The following GRK3 variants were observed in gnomAD, a reference collection of about 807,000 sequenced individuals.
GRK3 encodes adrenergic, beta, receptor kinase 2.
Under a neutral mutation model 95.7 loss-of-function variants are expected in GRK3, and 54 were observed. The ratio of observed to expected loss-of-function variants is 0.56; its 90% confidence interval spans 0.45 to 0.71. The LOEUF (loss-of-function observed/expected upper bound fraction) is 0.71, where lower values mean the gene tolerates loss of function less well. Among genes scored for constraint, GRK3 ranks in the 30% least tolerant of loss-of-function variants. The pLI is 0.00. For missense variants in GRK3, 649 were observed against 851.2 expected, an observed-to-expected ratio of 0.76 and a Z score of 2.96; for synonymous variants, 281 against 290.8, an observed-to-expected ratio of 0.97 and a Z score of 0.34.
At chr22:25,673,172 C>T (rs1286429045) in intron 7 of GRK3, among the ~76,000 whole-genome samples, 3 of 151,926 alleles carry the variant, frequency 2.0e-5, no homozygotes, top group African/African-American at 4.8e-5. Context: ...CACCATTCTC[C>T]TGCCTCAGCC....
intron 3 of GRK3, among the ~76,000 whole-genome samples, chr22:25,645,390 G>T (rs1033063257): frequency 5.3e-5 from 8 of 152,194 alleles, no homozygotes; most frequent in African/African-American, 1.9e-4. Flanking sequence ...TCCAGGCTTG[G>T]CTGCTTCTGG....
At chr22:25,630,144 CAT>C (rs1180685590) in intron 2 of GRK3, among the ~76,000 whole-genome samples, 5 of 152,140 alleles carry the variant, frequency 3.3e-5, no homozygotes, top group South Asian at 2.1e-4. Flanking sequence ...AAAGCAAACT[CAT>C]GTGTATCGAT....
chr22:25,597,817 A>G (rs748399561), intron 1 of GRK3, among the ~76,000 whole-genome samples: 17 of 152,240 alleles, frequency 1.1e-4, no homozygotes, highest in Admixed American at 1.0e-3. Context: ...GTGGAGTGAC[A>G]TCAAGTGCTG....
chr22:25,582,790 A>G (rs891832798), intron 1 of GRK3, among the ~76,000 whole-genome samples: 3 of 152,226 alleles, frequency 2.0e-5, no homozygotes, highest in Non-Finnish European at 4.4e-5. Context: ...ATACACAAAA[A>G]TAAATTCCAG....
At chr22:25,667,030 G>A (rs2084946789) in intron 5 of GRK3, among the ~76,000 whole-genome samples, 1 of 152,186 alleles carries the variant, frequency 6.6e-6, no homozygotes, top group East Asian at 1.9e-4. Flanking sequence ...GAAGAGCACT[G>A]TGCATGTGAA....
chr22:25,685,321 C>G (rs2085104431), intron 10 of GRK3, 73 bp downstream of exon 10: 2 of 1,148,948 alleles, frequency 1.7e-6, no homozygotes, highest in Non-Finnish European at 2.6e-6. Context: ...ATGCATTAAT[C>G]TAGGCAGACT....
At chr22:25,687,943 A>C (rs1203591172) in intron 11 of GRK3, among the ~76,000 whole-genome samples, 1 of 152,218 alleles carries the variant, frequency 6.6e-6, no homozygotes, top group Non-Finnish European at 1.5e-5. Flanking sequence ...TTAGTTAATG[A>C]AAAGCAATTT....
At chr22:25,702,550 C>T (rs899781968) in intron 13 of GRK3, among the ~76,000 whole-genome samples, 5 of 152,046 alleles carry the variant, frequency 3.3e-5, no homozygotes, top group African/African-American at 9.6e-5. Context: ...AAAAATAAAC[C>T]ATGGTAATTT....
intron 9 of GRK3, among the ~76,000 whole-genome samples, chr22:25,679,455 A>G (rs2085057930): frequency 1.3e-5 from 2 of 152,134 alleles, no homozygotes; most frequent in Non-Finnish European, 2.9e-5. Context: ...TACTTATTGG[A>G]CACTTTCTTT....
chr22:25,698,290 G>A (rs983088233), intron 13 of GRK3, among the ~76,000 whole-genome samples: 1 of 151,594 alleles, frequency 6.6e-6, no homozygotes, highest in Admixed American at 6.6e-5. Context: ...AGGAAGGAAG[G>A]AAGCCAACCA....
intron 1 of GRK3, among the ~76,000 whole-genome samples, chr22:25,577,394 C>T (rs538944895): frequency 2.0e-5 from 3 of 152,224 alleles, no homozygotes; most frequent in South Asian, 2.1e-4. Flanking sequence ...AGGCTGGTCT[C>T]GAACTCCTGG....
chr22:25,670,833 C>CACAAGGTCA (rs2084975119), intron 6 of GRK3, among the ~76,000 whole-genome samples: 3 of 140,908 alleles, frequency 2.1e-5, no homozygotes, highest in African/African-American at 2.7e-5. Context: ...GCGGGCGGAT[C>CACAAGGTCA]GAGACCATCC....
intron 12 of GRK3, among the ~76,000 whole-genome samples, chr22:25,692,636 C>A (rs2085173971): frequency 6.6e-6 from 1 of 152,166 alleles, no homozygotes; most frequent in African/African-American, 2.4e-5. Context: ...TCCAGCTGTT[C>A]CAGGCTTGCA....
chr22:25,691,990 G>T (rs1046455113), intron 12 of GRK3, among the ~76,000 whole-genome samples: 2 of 152,118 alleles, frequency 1.3e-5, no homozygotes, highest in South Asian at 2.1e-4. Flanking sequence ...TTGAGACAGG[G>T]TCTTGCTCTG....
chr22:25,581,667 G>A (rs1360159468), intron 1 of GRK3, among the ~76,000 whole-genome samples: 2 of 152,010 alleles, frequency 1.3e-5, no homozygotes, highest in East Asian at 1.9e-4. Context: ...ATGTAAGAAG[G>A]CTATTGAAAG....
intron 2 of GRK3, among the ~76,000 whole-genome samples, chr22:25,624,329 C>T (rs113676288): frequency 0.069 from 10,410 of 151,894 alleles, 1,134 homozygotes; most frequent in African/African-American, 0.23. Context: ...TTTGGGAGGC[C>T]GAGGCGGGCG....
rs147481288 is a variant in GRK3 at position 25,641,814 on chromosome 22, G to T, written c.191-2778G>T. Among the ~76,000 whole-genome samples the T allele has an allele frequency of 5.6e-3, 847 of 152,266 alleles. 11 individuals are homozygous for T. Among genetic ancestry groups the T allele is most frequent in the African/African-American group, 0.019 (804 of 41,552 alleles). On this transcript the variant is annotated intron_variant, in intron 2 of 20. Coordinates refer to ENST00000324198, the MANE Select transcript of GRK3 (RefSeq NM_005160.4). ...GCTTGGCCTAAGTGAAGTGAGCTTG[G>T]GGGGAGCACTGTGAGATGAGGCCAG...
chr22:25,570,427 G>C (rs571918554), intron 1 of GRK3, among the ~76,000 whole-genome samples: 1 of 152,262 alleles, frequency 6.6e-6, no homozygotes, highest in African/African-American at 2.4e-5. Flanking sequence ...CCCCTCCCTT[G>C]AAATTTTCAT....
chr22:25,694,030 A>G (rs1321703237), intron 12 of GRK3, among the ~76,000 whole-genome samples: 6 of 152,140 alleles, frequency 3.9e-5, no homozygotes, highest in Non-Finnish European at 8.8e-5. Flanking sequence ...ACCTCAGGTG[A>G]TCTGCCTGCC....
Sources: allele counts gnomAD v4.1 joint callset (sites outside exome capture counted in the v4.1 genomes callset), GRCh38; gene constraint gnomAD v4.1.1; transcripts MANE v1.5; gene names NCBI Gene and HGNC (gene_info 2026-07-23, HGNC 2026-07-21).